SUMO3: variants seen among roughly 807,000 people sequenced by gnomAD.
SUMO3 encodes the protein small ubiquitin-related modifier 3.
Under a neutral mutation model 11.1 loss-of-function variants are expected in SUMO3, and 2 were observed. That is an observed-to-expected ratio of 0.18 (90% confidence interval 0.07 to 0.57). SUMO3 has a LOEUF of 0.57. Among genes scored for constraint, SUMO3 ranks in the 20% least tolerant of loss-of-function variants. The pLI is 0.92. For synonymous variants in SUMO3, 56 were observed against 53.5 expected, an observed-to-expected ratio of 1.05 and a Z score of -0.20; for missense variants, 70 against 132.8, an observed-to-expected ratio of 0.53 and a Z score of 2.32.
chr21:44,808,534 C>A, intron 3 of SUMO3: 1 of 1,414,344 alleles, frequency 7.1e-7, no homozygotes, highest in Non-Finnish European at 9.3e-7. Flanking sequence ...AGTCTGTTTC[C>A]AGGTCCAAAG....
chr21:44,817,646 G>A (rs953715382), intron 1 of SUMO3, among the ~76,000 whole-genome samples: 1 of 151,448 alleles, frequency 6.6e-6, no homozygotes. Context: ...CAGCAGCGCG[G>A]GGCCCGACAC....
intron 2 of SUMO3, among the ~76,000 whole-genome samples, chr21:44,812,826 C>T (rs371816941): frequency 9.2e-5 from 14 of 152,314 alleles, no homozygotes; most frequent in African/African-American, 2.4e-4. Context: ...CATGGGCACC[C>T]GGGAAGTCAC....
At chr21:44,808,836 T>C (rs2083193754) in intron 3 of SUMO3, among the ~76,000 whole-genome samples, 1 of 152,204 alleles carries the variant, frequency 6.6e-6, no homozygotes, top group Non-Finnish European at 1.5e-5. Context: ...CTTGGCTCCA[T>C]CTCCAAACAG....
chr21:44,813,786 A>C, intron 2 of SUMO3, 190 bp downstream of exon 2: 2 of 1,488,842 alleles, frequency 1.3e-6, no homozygotes, highest in Non-Finnish European at 1.8e-6. Context: ...ACCTTATAAA[A>C]GGCCATGGGG....
In SUMO3 at chr21:44,811,310, A is replaced by C. The variant is rs2083211459; in HGVS notation, c.151-2192T>G. Among the ~76,000 whole-genome samples the C allele has an allele frequency of 6.6e-6, 1 of 152,184 alleles. No homozygotes were observed. Among genetic ancestry groups the C allele is most frequent in the African/African-American group, 2.4e-5 (1 of 41,452 alleles). ...CTACTGAGGATGGGTGCGGTGGCTC[A>C]CACCTGTAATCCCAGCACTTTGGGA... is the stretch of plus-strand genomic sequence containing the variant. On this transcript the variant is annotated intron_variant, in intron 2 of 3. Coordinates refer to ENST00000332859, the MANE Select transcript of SUMO3 (RefSeq NM_006936.3). This position sits in a 1 kb window ranked among gnomAD's most constrained non-coding sequence, Gnocchi z 5.0.
chr21:44,817,989 G>T lies in SUMO3; in HGVS notation c.-21C>A. ...GACATGGCTGCGCGAGCGGCGCGGG[G>T]AGGCGGCGCGGGGGAAGCAGCGCGG... On this transcript the variant is annotated 5_prime_UTR_variant, in exon 1 of 4. Coordinates refer to ENST00000332859, the MANE Select transcript of SUMO3 (RefSeq NM_006936.3). 1 of 1,180,178 alleles carries T rather than the reference G, an allele frequency of 8.5e-7. No homozygotes were observed. Among genetic ancestry groups the T allele is most frequent in the Non-Finnish European group, 1.0e-6 (1 of 954,412 alleles). 73.1% of individuals were successfully genotyped at this position (1,180,178 alleles called of 1,614,324 possible). A position where few individuals can be genotyped will look rare whatever the true frequency, so the allele number is the denominator to read the frequency against.
intron 2 of SUMO3, 199 bp downstream of exon 2, chr21:44,813,777 C>T: frequency 4.7e-6 from 7 of 1,481,452 alleles, no homozygotes. Context: ...GGTCCCTCCA[C>T]CTTATAAAAG....
In SUMO3 at chr21:44,814,003, C is replaced by T. The variant is rs1299062918; in HGVS notation, c.123G>A (p.Lys41=). ...GCCTCTCGCAGTAGGCCTTCATCAG[C>T]TTGCTCAGCGGCGTGTGCCTCTTGA... ...FKIKRHTPLS[K]LMKAYCERQG... Residue 41 remains lysine, a synonymous_variant, in exon 2 of 4, where the codon AAG becomes AAA. Transcript: ENST00000332859. The T allele has an allele frequency of 2.5e-6, 4 of 1,612,934 alleles. No homozygotes were observed. The African/African-American group carries it at 5.3e-5, about 22-fold the overall frequency.
rs1174173043 is a variant in SUMO3 at position 44,807,587 on chromosome 21, C to T, written c.223-547G>A. Among the ~76,000 whole-genome samples the T allele has an allele frequency of 6.6e-6, 1 of 152,180 alleles. No individual in the cohort carries two copies. Among genetic ancestry groups the T allele is most frequent in the Admixed American group, 6.5e-5 (1 of 15,280 alleles). ...AAACACCCCCGCTCACTTCTCTCCT[C>T]CTGACACAGTGGGCGCAAAACACCC... On this transcript the variant is annotated intron_variant, in intron 3 of 3. Transcript: ENST00000332859. The surrounding 1 kb of genome is among the most constrained non-coding windows in gnomAD (Gnocchi z 4.3).
At chr21:44,813,609 A>G in intron 2 of SUMO3, 1 of 563,462 alleles carries the variant, frequency 1.8e-6, no homozygotes, top group Non-Finnish European at 3.1e-6. Flanking sequence ...CGTGGGGCAC[A>G]CGCCACCTGC....
chr21:44,813,386 C>T (rs1161386124), intron 2 of SUMO3: 1 of 175,178 alleles, frequency 5.7e-6, no homozygotes, highest in Non-Finnish European at 1.2e-5. Context: ...GAACAACAGA[C>T]ACACACACAC....
chr21:44,813,689 G>GTA, intron 2 of SUMO3: 1 of 849,966 alleles, frequency 1.2e-6, no homozygotes, highest in South Asian at 1.8e-5. Flanking sequence ...ACAGATGTTA[G>GTA]TACCCCATGG....
intron 2 of SUMO3, among the ~76,000 whole-genome samples, chr21:44,813,185 T>A (rs1401626416): frequency 6.6e-6 from 1 of 152,176 alleles, no homozygotes; most frequent in East Asian, 1.9e-4. Context: ...AACGAGTTGC[T>A]GTATTTTCAA....
chr21:44,809,712 A>C (rs1042572240), intron 2 of SUMO3, among the ~76,000 whole-genome samples: 1 of 152,224 alleles, frequency 6.6e-6, no homozygotes, highest in Non-Finnish European at 1.5e-5. Flanking sequence ...GGAGCAGGAG[A>C]AAAGCTGGAC....
chr21:44,810,586 G>C lies in SUMO3; in HGVS notation c.151-1468C>G, dbSNP rs536433241. On this transcript the variant is annotated intron_variant, in intron 2 of 3. Transcript: ENST00000332859. This position sits in a 1 kb window ranked among gnomAD's most constrained non-coding sequence, Gnocchi z 4.1. ...AAAGCGCGTGCCCTCAACACTGTGC[G>C]CCAAGTCCCCTCTCCCCTCCAGATG... 1.3e-5 allele frequency among the ~76,000 whole-genome samples: 2 copies of C among 152,296 alleles called. No individual in the cohort carries two copies. The highest frequency in any genetic ancestry group is 3.9e-4 in the East Asian group (2 of 5,180).
At position 44,810,950 on chromosome 21, in the gene SUMO3, A is replaced by C. The variant is rs377183705; in HGVS notation, c.151-1832T>G. On this transcript the variant is annotated intron_variant, in intron 2 of 3. Transcript: ENST00000332859. This position sits in a 1 kb window ranked among gnomAD's most constrained non-coding sequence, Gnocchi z 4.1. ...CACATGCCCACACCCACACACATGCACACACCCACACATGCACACCCATGC... is the reference window on the plus strand; with the variant it reads ...CACATGCCCACACCCACACACATGCCCACACCCACACATGCACACCCATGC... 5.9e-5 allele frequency among the ~76,000 whole-genome samples: 9 copies of C among 151,638 alleles called. No individual in the cohort carries two copies. Among genetic ancestry groups the C allele is most frequent in the African/African-American group, 1.7e-4 (7 of 41,278 alleles).
chr21:44,815,259 C>T (rs235334), intron 1 of SUMO3, among the ~76,000 whole-genome samples: 78,758 of 152,086 alleles, frequency 0.52, 21,468 homozygotes, highest in Non-Finnish European at 0.61. Context: ...AGGGACTGCA[C>T]CCATGCTTGC....
At position 44,810,994 on chromosome 21, in the gene SUMO3, CCACA is replaced by C. The variant is rs796569293; in HGVS notation, c.151-1880_151-1877del. Among the ~76,000 whole-genome samples the C allele has an allele frequency of 3.3e-5, 4 of 122,026 alleles. No individual in the cohort carries two copies. Among genetic ancestry groups the C allele is most frequent in the African/African-American group, 1.4e-4 (4 of 29,548 alleles). 80.1% of individuals were successfully genotyped at this position (122,026 alleles called of 152,430 possible). On this transcript the variant is annotated intron_variant, in intron 2 of 3. Coordinates refer to ENST00000332859, the MANE Select transcript of SUMO3 (RefSeq NM_006936.3). This position sits in a 1 kb window ranked among gnomAD's most constrained non-coding sequence, Gnocchi z 4.1. ...CCCATGCACACACCCATGCACACAC[CCACA>C]CATGCACACACCCACATATGCACAC...
rs1463093532 is a variant in SUMO3, at chr21:44,817,975, G to A, written c.-7C>T. The A allele has an allele frequency of 8.5e-7, 1 of 1,181,094 alleles. No individual in the cohort carries two copies. 73.2% of individuals were successfully genotyped at this position (1,181,094 alleles called of 1,614,324 possible). A position where few individuals can be genotyped will look rare whatever the true frequency, so the allele number is the denominator to read the frequency against. The stretch of plus-strand genomic sequence containing the variant: ...TGGGCTTCTCCTCGGACATGGCTGC[G>A]CGAGCGGCGCGGGGAGGCGGCGCGG... On this transcript the variant is annotated 5_prime_UTR_variant, in exon 1 of 4. Transcript: ENST00000332859.
Sources: allele counts gnomAD v4.1 joint callset (sites outside exome capture counted in the v4.1 genomes callset), GRCh38; gene constraint gnomAD v4.1.1; non-coding constraint Gnocchi (gnomAD v3.1); transcripts MANE v1.5; gene names NCBI Gene and HGNC (gene_info 2026-07-23, HGNC 2026-07-21).